PIEZO2: variants seen among roughly 807,000 people sequenced by gnomAD.
PIEZO2 encodes the protein piezo-type mechanosensitive ion channel component 2.
Under a neutral mutation model 337.3 loss-of-function variants are expected in PIEZO2, and 172 were observed. That is an observed-to-expected ratio of 0.51 (90% CI 0.45 to 0.58). The LOEUF is 0.58. Among genes scored for constraint, PIEZO2 ranks in the 20% least tolerant of loss-of-function variants. The probability of loss-of-function intolerance (pLI) is 0.00; values close to 1 mark genes in which losing one functional copy is unlikely to be tolerated. For missense variants in PIEZO2, 3,028 were observed against 3,391.3 expected (o/e 0.89, Z 2.66); for synonymous variants, 1,251 against 1,228.5 (o/e 1.02, Z -0.38).
chr18:11,030,645 G>T (rs1046882240), intron 2 of PIEZO2, among the ~76,000 whole-genome samples: 1 of 152,090 alleles, frequency 6.6e-6, no homozygotes, highest in African/African-American at 2.4e-5. Context: ...AGTTAGAAAC[G>T]CTGGTCCCTC....
At position 10,859,648 on chromosome 18, in the gene PIEZO2, T is replaced by C. The variant is rs2041821542; in HGVS notation, c.493-2437A>G. Among the ~76,000 whole-genome samples the C allele has an allele frequency of 1.3e-5, 2 of 152,220 alleles. No homozygotes were observed. The highest frequency in any genetic ancestry group is 4.8e-5 in the African/African-American group (2 of 41,472). On this transcript the variant is annotated intron_variant, in intron 5 of 55. Transcript: ENST00000674853. This position sits in a 1 kb window ranked among gnomAD's most constrained non-coding sequence, Gnocchi z 4.9. Reference sequence around the variant, plus strand: ...ATCCTTTCAACCCACGTTTGTCTCTTAAGGTGAAACACTCCAGCAGAGTGG... The same window carrying C: ...ATCCTTTCAACCCACGTTTGTCTCTCAAGGTGAAACACTCCAGCAGAGTGG...
In PIEZO2 at chr18:10,715,723, A is replaced by G. The variant is rs1162715886; in HGVS notation, c.5183T>C (p.Ile1728Thr). The change falls in exon 38 of 56, where the codon ATT becomes ACT. Residue 1728 changes from isoleucine (I) to threonine (T), a missense_variant. This residue lies in a region of PIEZO2 where 1,925 missense variants were observed against 2,051.9 expected (regional missense o/e 0.94). Transcript: ENST00000674853. ...AGATATATCAATATGCTCCCTTGAA[A>G]TGGAGTTAAGCCAAGTAGTGAAACT... ...VDSFTTWLNS[I>T]SREHIDISTV... is the part of the protein sequence containing the mutation. The G allele has an allele frequency of 1.0e-5, 16 of 1,536,708 alleles. No homozygotes were observed. The highest frequency in any genetic ancestry group is 1.4e-5 in the Non-Finnish European group (16 of 1,146,600).
At chr18:11,084,585 T>C (rs2038857121) in intron 1 of PIEZO2, among the ~76,000 whole-genome samples, 1 of 152,042 alleles carries the variant, frequency 6.6e-6, no homozygotes, top group African/African-American at 2.4e-5. Flanking sequence ...ATCCATGGAG[T>C]TGGCTTGAGT....
intron 4 of PIEZO2, among the ~76,000 whole-genome samples, chr18:10,874,333 G>A (rs1453725019): frequency 1.3e-5 from 2 of 152,140 alleles, no homozygotes; most frequent in Non-Finnish European, 2.9e-5. Flanking sequence ...CAAGGATGTG[G>A]AGAAAGGGGA....
At chr18:11,089,536 G>A (rs984168248) in intron 1 of PIEZO2, among the ~76,000 whole-genome samples, 3 of 152,224 alleles carry the variant, frequency 2.0e-5, no homozygotes, top group Admixed American at 2.0e-4. Context: ...AGACAGGCAA[G>A]GAGGGCAGCC....
At chr18:10,881,205 G>C (rs1043494100) in intron 4 of PIEZO2, among the ~76,000 whole-genome samples, 107 of 151,900 alleles carry the variant, frequency 7.0e-4, no homozygotes, top group African/African-American at 2.5e-3. Context: ...ATTGTTGCTG[G>C]ATTTTCAGGA....
chr18:10,849,722 G>C (rs1013821053), intron 7 of PIEZO2, among the ~76,000 whole-genome samples: 4 of 152,220 alleles, frequency 2.6e-5, no homozygotes, highest in Non-Finnish European at 2.9e-5. Context: ...CTTGCAAACT[G>C]TAGTGTTTGC....
In PIEZO2 at chr18:10,759,290, T is replaced by C. The variant is rs186916690; in HGVS notation, c.3757+192A>G. ...GTGAATATGGCATTTCCAACACTGA[T>C]TTATTAATTTTGCAAATGTAATAGG... is the stretch of plus-strand genomic sequence containing the variant. On this transcript the variant is annotated intron_variant, in intron 26 of 55. Coordinates refer to ENST00000674853, the MANE Select transcript of PIEZO2 (RefSeq NM_001378183.1). The surrounding 1 kb of genome is among the most constrained non-coding windows in gnomAD (Gnocchi z 5.5). 2.9e-3 allele frequency among the ~76,000 whole-genome samples: 442 copies of C among 152,248 alleles called. 2 individuals are homozygous for C. Among genetic ancestry groups the C allele is most frequent in the Non-Finnish European group, 4.0e-3 (270 of 68,026 alleles).
intron 2 of PIEZO2, among the ~76,000 whole-genome samples, chr18:11,015,738 T>C (rs970634886): frequency 3.9e-5 from 6 of 152,118 alleles, no homozygotes; most frequent in African/African-American, 1.4e-4. Flanking sequence ...GCAGCCCTGG[T>C]ATTTATACTT....
rs1400821100 is a variant in PIEZO2 at position 11,146,976 on chromosome 18, T to C, written c.64+1549A>G. ...CTGCACTGAGGACCATAAATCACGC[T>C]TCATGCTAAAAGCCCTTTGTTAACT... On this transcript the variant is annotated intron_variant, in intron 1 of 55. Transcript: ENST00000674853. The surrounding 1 kb of genome is among the most constrained non-coding windows in gnomAD (Gnocchi z 6.1). Among the ~76,000 whole-genome samples the C allele has an allele frequency of 6.6e-6, 1 of 152,276 alleles. No individual in the cohort carries two copies. The highest frequency in any genetic ancestry group is 1.9e-4 in the East Asian group (1 of 5,170).
chr18:10,917,793 C>T (rs1392410927), intron 3 of PIEZO2, among the ~76,000 whole-genome samples: 2 of 152,148 alleles, frequency 1.3e-5, no homozygotes, highest in East Asian at 3.8e-4. Flanking sequence ...TAGGGGCTGC[C>T]AGGCAGCTGA....
chr18:10,949,876 T>G (rs560559670), intron 3 of PIEZO2, among the ~76,000 whole-genome samples: 16 of 152,302 alleles, frequency 1.1e-4, no homozygotes, highest in African/African-American at 3.8e-4. Flanking sequence ...ACAAGACCGA[T>G]AAGCAGAAGG....
intron 8 of PIEZO2, among the ~76,000 whole-genome samples, chr18:10,804,674 C>G: frequency 6.6e-6 from 1 of 151,778 alleles, no homozygotes; most frequent in South Asian, 2.1e-4. Flanking sequence ...CTGGGAGGGG[C>G]GTTACATTTG....
Position 11,127,185 on chromosome 18 carries a change from G to A in PIEZO2, c.64+21340C>T, listed in dbSNP as rs898335727. 7.9e-5 allele frequency among the ~76,000 whole-genome samples: 12 copies of A among 152,304 alleles called. No homozygotes were observed. Among genetic ancestry groups the A allele is most frequent in the African/African-American group, 1.7e-4 (7 of 41,566 alleles). On this transcript the variant is annotated intron_variant, in intron 1 of 55. Transcript: ENST00000674853. This position sits in a 1 kb window ranked among gnomAD's most constrained non-coding sequence, Gnocchi z 4.5. ...TGTGACGGTGAGTGACCAGGATCAG[G>A]TGTTTGAGGGGTGCGGAAAGAGGTC...
rs2870107 is a variant in PIEZO2, at chr18:11,066,418, G to A, written c.65-196C>T. Among the ~76,000 whole-genome samples, 105,120 of 152,064 alleles carry A rather than the reference G, an allele frequency of 0.69. 36,827 individuals are homozygous for A. Among genetic ancestry groups the A allele is most frequent in the East Asian group, 0.97 (5,028 of 5,184 alleles). On this transcript the variant is annotated intron_variant, in intron 1 of 55. Coordinates refer to ENST00000674853, the MANE Select transcript of PIEZO2 (RefSeq NM_001378183.1). ...ATCACTGTGTTGAGCATGACGAGAA[G>A]CAGATAATTAAAATACATCATCACT...
chr18:10,721,620 T>G (rs2036314481), intron 36 of PIEZO2, among the ~76,000 whole-genome samples: 1 of 151,748 alleles, frequency 6.6e-6, no homozygotes, highest in Admixed American at 6.6e-5. Flanking sequence ...CACTAAAAAT[T>G]AAAACGAACT....
intron 3 of PIEZO2, among the ~76,000 whole-genome samples, chr18:10,915,605 T>A (rs1368729034): frequency 6.6e-6 from 1 of 152,166 alleles, no homozygotes; most frequent in Non-Finnish European, 1.5e-5. Flanking sequence ...CCTTACCAAG[T>A]AGGTGCTAGC....
intron 3 of PIEZO2, among the ~76,000 whole-genome samples, chr18:10,936,709 T>A (rs1401171756): frequency 1.3e-5 from 2 of 152,132 alleles, no homozygotes; most frequent in African/African-American, 4.8e-5. Context: ...GGACAGGCAA[T>A]CAAAAACATA....
intron 43 of PIEZO2, among the ~76,000 whole-genome samples, chr18:10,700,152 C>T (rs368362044): frequency 2.0e-5 from 3 of 152,066 alleles, no homozygotes; most frequent in African/African-American, 7.2e-5. Flanking sequence ...AGAGTTGTTT[C>T]CTCTTTGGCC....
Sources: allele counts gnomAD v4.1 joint callset (sites outside exome capture counted in the v4.1 genomes callset), GRCh38; gene constraint gnomAD v4.1.1; regional missense constraint gnomAD v4.1.1; non-coding constraint Gnocchi (gnomAD v3.1); transcripts MANE v1.5; gene names NCBI Gene and HGNC (gene_info 2026-07-23, HGNC 2026-07-21).